Variants in PPP2R2B observed in about 807,000 individuals in gnomAD.
PPP2R2B encodes serine/threonine-protein phosphatase 2A 55 kDa regulatory subunit B beta isoform.
Under a neutral mutation model 46.0 loss-of-function variants are expected in PPP2R2B, and 5 were observed. The ratio of observed to expected loss-of-function variants is 0.11; its 90% CI spans 0.06 to 0.23. The LOEUF (loss-of-function observed/expected upper bound fraction) is 0.23, where lower values mean the gene tolerates loss of function less well. Among genes scored for constraint, PPP2R2B ranks in the 10% least tolerant of loss-of-function variants. PPP2R2B has a pLI of 1.00. For missense variants in PPP2R2B, 367 were observed against 575.0 expected (o/e 0.64, Z 3.70); for synonymous variants, 215 against 206.7 (o/e 1.04, Z -0.34).
intron 1 of PPP2R2B, among the ~76,000 whole-genome samples, chr5:146,985,273 C>T (rs11167952): frequency 0.48 from 72,372 of 151,838 alleles, 18,764 homozygotes; most frequent in Middle Eastern, 0.61. Flanking sequence ...CCTGCCTCGG[C>T]CTCCCAAAGT....
At chr5:147,007,324 TGGG>T (rs1439754465) in intron 1 of PPP2R2B, among the ~76,000 whole-genome samples, 1 of 152,038 alleles carries the variant, frequency 6.6e-6, no homozygotes, top group Non-Finnish European at 1.5e-5. Flanking sequence ...CTGGGTCAGG[TGGG>T]GACTTGGATA....
intron 1 of PPP2R2B, among the ~76,000 whole-genome samples, chr5:146,961,112 A>G (rs1015077829): frequency 3.9e-5 from 6 of 152,140 alleles, no homozygotes; most frequent in African/African-American, 1.4e-4. Context: ...TTTTCCAGTT[A>G]TACTGTAAAT....
chr5:146,771,836 T>C (rs751844632), intron 2 of PPP2R2B, among the ~76,000 whole-genome samples: 2 of 152,206 alleles, frequency 1.3e-5, no homozygotes, highest in Non-Finnish European at 2.9e-5. Context: ...GGGGATGAGA[T>C]ACCCAATATC....
intron 2 of PPP2R2B, among the ~76,000 whole-genome samples, chr5:146,783,664 A>G (rs1325674513): frequency 6.6e-6 from 1 of 152,170 alleles, no homozygotes; most frequent in African/African-American, 2.4e-5. Flanking sequence ...TTGGAGGTGG[A>G]TGCTTGTCTT....
intron 7 of PPP2R2B, among the ~76,000 whole-genome samples, chr5:146,629,361 A>G (rs997717052): frequency 6.6e-6 from 1 of 151,660 alleles, no homozygotes; most frequent in Non-Finnish European, 1.5e-5. Flanking sequence ...CTTTTCCATC[A>G]CCTCTTCACT....
intron 6 of PPP2R2B, among the ~76,000 whole-genome samples, chr5:146,649,297 A>G (rs967054732): frequency 2.0e-5 from 3 of 152,148 alleles, no homozygotes; most frequent in Non-Finnish European, 4.4e-5. Context: ...CATAAATCTC[A>G]TGCCTTAGGT....
intron 2 of PPP2R2B, among the ~76,000 whole-genome samples, chr5:147,064,764 G>C (rs909278858): frequency 6.6e-6 from 1 of 152,094 alleles, no homozygotes; most frequent in South Asian, 2.1e-4. Flanking sequence ...AGCTCTTTAG[G>C]CATCCACTGA....
In PPP2R2B at chr5:146,810,453, TCTCACAACA is replaced by T. The variant is rs1340051831; in HGVS notation, c.70+67540_70+67548del. Among the ~76,000 whole-genome samples the T allele has an allele frequency of 2.0e-5, 3 of 152,132 alleles. No individual in the cohort carries two copies. In the East Asian group the frequency reaches 5.8e-4, roughly 29 times the overall value. On this transcript the variant is annotated intron_variant, in intron 2 of 9. Coordinates refer to ENST00000394411, the MANE Select transcript of PPP2R2B (RefSeq NM_181675.4). ...ATTCAGTTATATTCCGCTGGGTCCATCTCACAACAGGAGGCAATTATGGGAGCTACAATT... is the reference window on the plus strand; with the variant it reads ...ATTCAGTTATATTCCGCTGGGTCCATGGAGGCAATTATGGGAGCTACAATT...
Position 146,939,659 on chromosome 5 carries a change from T to G in PPP2R2B, c.79+116006A>C, listed in dbSNP as rs1484854182. Among the ~76,000 whole-genome samples, 6 of 152,210 alleles carry G rather than the reference T, an allele frequency of 3.9e-5. No homozygotes were observed. In the East Asian group the frequency reaches 1.2e-3, roughly 29 times the overall value. On this transcript the variant is annotated intron_variant, in intron 1 of 8. Coordinates refer to the PPP2R2B transcript ENST00000336640. Reference sequence around the variant, plus strand: ...GACCTCCTGCTTCATAGAGGAAACATTTTTGAATGGTCAAACATAGTATTC... The same window carrying G: ...GACCTCCTGCTTCATAGAGGAAACAGTTTTGAATGGTCAAACATAGTATTC...
At chr5:146,977,600 C>T (rs1326674814) in intron 1 of PPP2R2B, among the ~76,000 whole-genome samples, 1 of 152,234 alleles carries the variant, frequency 6.6e-6, no homozygotes, top group Non-Finnish European at 1.5e-5. Context: ...TGTTCAACTC[C>T]CACTTATGAG....
chr5:146,931,779 A>G (rs1247633552), intron 1 of PPP2R2B, among the ~76,000 whole-genome samples: 1 of 152,168 alleles, frequency 6.6e-6, no homozygotes, highest in East Asian at 1.9e-4. Flanking sequence ...TTTTCTTTCC[A>G]TAACATAGTT....
chr5:146,844,971 C>T (rs1759895914), intron 2 of PPP2R2B, among the ~76,000 whole-genome samples: 1 of 152,332 alleles, frequency 6.6e-6, no homozygotes, highest in South Asian at 2.1e-4. Context: ...CATTCCAACT[C>T]CATTCCACGG....
intron 2 of PPP2R2B, among the ~76,000 whole-genome samples, chr5:146,748,438 C>G (rs1320820951): frequency 6.6e-6 from 1 of 152,152 alleles, no homozygotes; most frequent in Non-Finnish European, 1.5e-5. Flanking sequence ...AGACAATTTC[C>G]ATCACTATAA....
At chr5:146,782,266 A>C (rs1755577856) in intron 2 of PPP2R2B, among the ~76,000 whole-genome samples, 1 of 152,220 alleles carries the variant, frequency 6.6e-6, no homozygotes, top group Non-Finnish European at 1.5e-5. Flanking sequence ...ACGATCTATT[A>C]CATTATCCAT....
chr5:146,958,798 C>T (rs1281737486), intron 1 of PPP2R2B, among the ~76,000 whole-genome samples: 3 of 152,168 alleles, frequency 2.0e-5, no homozygotes, highest in Admixed American at 1.3e-4. Flanking sequence ...TACTATCTTC[C>T]GAGTGCCTTT....
chr5:146,650,786 C>A, intron 5 of PPP2R2B, 62 bp from the exon 6 acceptor site: 1 of 1,459,618 alleles, frequency 6.9e-7, no homozygotes, highest in African/African-American at 1.4e-5. Flanking sequence ...AAAGAGTGTG[C>A]ATGCTAATAT....
At chr5:146,875,439 C>CT (rs1333201974) in intron 2 of PPP2R2B, among the ~76,000 whole-genome samples, 4 of 152,036 alleles carry the variant, frequency 2.6e-5, no homozygotes, top group Non-Finnish European at 5.9e-5. Flanking sequence ...TGAAAGTGTC[C>CT]TTTAGCATTT....
chr5:146,702,143 G>A (rs2151168693), intron 2 of PPP2R2B, among the ~76,000 whole-genome samples: 1 of 151,520 alleles, frequency 6.6e-6, no homozygotes, highest in East Asian at 1.9e-4. Flanking sequence ...GGTAAGGAAA[G>A]CAAAGGGGAA....
chr5:146,905,743 G>A (rs1214302258), intron 1 of PPP2R2B, among the ~76,000 whole-genome samples: 12 of 152,072 alleles, frequency 7.9e-5, no homozygotes, highest in Admixed American at 3.3e-4. Context: ...TCAAACAAAA[G>A]GCTAAGTGCA....
Sources: allele counts gnomAD v4.1 joint callset (sites outside exome capture counted in the v4.1 genomes callset), GRCh38; gene constraint gnomAD v4.1.1; transcripts MANE v1.5; gene names NCBI Gene and HGNC (gene_info 2026-07-23, HGNC 2026-07-21).